Variants in PMP22 observed in about 807,000 individuals in gnomAD.
PMP22 encodes the protein peripheral myelin protein 22, also known as Charcot-Marie-Tooth neuropathy 1A (greatly reduced nerve conduction velocity, hereditary motor sensory neuropathy Ia).
PMP22 carries 2 observed loss-of-function variants against 18.9 expected under a neutral mutation model. The observed-to-expected ratio is 0.11, with a 90% CI of 0.04 to 0.33. The LOEUF is 0.33. PMP22 is among the 10% of genes least tolerant of loss of function. The probability of loss-of-function intolerance (pLI) is 1.00; values close to 1 mark genes in which losing one functional copy is unlikely to be tolerated. For synonymous variants in PMP22, 95 were observed against 89.2 expected (o/e 1.07, Z -0.37); for missense variants, 169 against 202.2 (o/e 0.84, Z 1.00).
chr17:15,254,696 G>A (rs1446928815), intron 3 of PMP22, among the ~76,000 whole-genome samples: 1 of 152,248 alleles, frequency 6.6e-6, no homozygotes, highest in Non-Finnish European at 1.5e-5. Flanking sequence ...GGTGGCTCAC[G>A]CTTGTAATCT....
At chr17:15,245,298 A>T (rs1907706380) in intron 3 of PMP22, among the ~76,000 whole-genome samples, 1 of 152,240 alleles carries the variant, frequency 6.6e-6, no homozygotes, top group South Asian at 2.1e-4. Context: ...GCGCAGTAAG[A>T]GACAGCAGAT....
At chr17:15,256,805 C>A (rs781564348) in intron 3 of PMP22, among the ~76,000 whole-genome samples, 11 of 152,110 alleles carry the variant, frequency 7.2e-5, no homozygotes, top group Admixed American at 3.3e-4. Context: ...AGCTTATTGT[C>A]TGCAGCCACA....
chr17:15,250,690 C>T (rs1908260308), intron 3 of PMP22, among the ~76,000 whole-genome samples: 1 of 152,216 alleles, frequency 6.6e-6, no homozygotes, highest in African/African-American at 2.4e-5. Flanking sequence ...TCAGCAAACC[C>T]TGTCATGAGA....
Position 15,229,924 on chromosome 17 carries a change from C to CAT in PMP22, c.*991_*992dup, listed in dbSNP as rs1906163909. The CAT allele has an allele frequency of 6.6e-6, 1 of 152,636 alleles. No homozygotes were observed. The allele number at this position is 152,636 out of a possible 1,614,324, so 9.5% of individuals were successfully genotyped here. A position where few individuals can be genotyped will look rare whatever the true frequency, so the allele number is the denominator to read the frequency against. ...TCTACAGTTGGTGGCCAATACAAGT[C>CAT]ATTGCCAGACAGTCCTTGGAGGCAC... On this transcript the variant is annotated 3_prime_UTR_variant, in exon 5 of 5. Transcript: ENST00000312280.
At chr17:15,242,251 C>CAAAAAAA (rs59075019) in intron 3 of PMP22, among the ~76,000 whole-genome samples, 2 of 54,782 alleles carry the variant, frequency 3.7e-5, no homozygotes, top group Non-Finnish European at 7.1e-5. Context: ...GACTCTGTCT[C>CAAAAAAA]AAAAAAAAAA....
chr17:15,236,497 A>C (rs1037580834), intron 4 of PMP22, among the ~76,000 whole-genome samples: 1 of 152,118 alleles, frequency 6.6e-6, no homozygotes, highest in African/African-American at 2.4e-5. Context: ...GCTCCAGTGC[A>C]TTGGAGAGGC....
Position 15,230,840 on chromosome 17 carries a change from T to C in PMP22, c.*77A>G, listed in dbSNP as rs1325857230. On this transcript the variant is annotated 3_prime_UTR_variant, in exon 5 of 5. Transcript: ENST00000312280. ...TTTGGGATTTTGGGCTAGCTCTTTT[T>C]TCTTTGTCTGCTTTCTGTTTTCCCT... is the stretch of plus-strand genomic sequence containing the variant. The C allele has an allele frequency of 6.5e-7, 1 of 1,545,100 alleles. No individual in the cohort carries two copies. Among genetic ancestry groups the C allele is most frequent in the Non-Finnish European group, 8.9e-7 (1 of 1,122,280 alleles).
At chr17:15,238,348 C>G (rs1906985408) in intron 4 of PMP22, among the ~76,000 whole-genome samples, 1 of 152,236 alleles carries the variant, frequency 6.6e-6, no homozygotes, top group Non-Finnish European at 1.5e-5. Context: ...TCTTCCCATA[C>G]AACCCTATTT....
chr17:15,230,909 T>A lies in PMP22; in HGVS notation c.*8A>T, dbSNP rs199650994. 4.5e-5 allele frequency: 73 copies of A among 1,613,798 alleles called. No homozygotes were observed. The highest frequency in any genetic ancestry group is 4.4e-4 in the African/African-American group (33 of 75,056). On this transcript the variant is annotated 3_prime_UTR_variant, in exon 5 of 5. Coordinates refer to ENST00000312280, the MANE Select transcript of PMP22 (RefSeq NM_000304.4). ...CGCTCAGAGCCTCAGACAGACCGTC[T>A]GGGCGCCTCATTCGCGTTTCCGCAA...
intron 3 of PMP22, among the ~76,000 whole-genome samples, chr17:15,240,345 A>G (rs762282593): frequency 4.6e-5 from 7 of 152,116 alleles, no homozygotes; most frequent in Non-Finnish European, 7.3e-5. Flanking sequence ...GGAAGAAAAT[A>G]CTGATGAAGA....
intron 1 of PMP22, among the ~76,000 whole-genome samples, chr17:15,264,210 ATAGGTAGGTAGG>A (rs148785223): frequency 6.7e-6 from 1 of 150,068 alleles, no homozygotes; most frequent in African/African-American, 2.5e-5. Context: ...TGTAACTCTG[ATAGGTAGGTAGG>A]TAGGTAGGTA....
At chr17:15,246,244 T>A (rs1345231686) in intron 3 of PMP22, among the ~76,000 whole-genome samples, 1 of 152,214 alleles carries the variant, frequency 6.6e-6, no homozygotes, top group African/African-American at 2.4e-5. Context: ...TTGCAGGTCA[T>A]ACGGTCTTCT....
chr17:15,238,155 G>T (rs1360825486), intron 4 of PMP22, among the ~76,000 whole-genome samples: 1 of 152,096 alleles, frequency 6.6e-6, no homozygotes, highest in Non-Finnish European at 1.5e-5. Context: ...AGCTTGGCTT[G>T]GTGTCATAAG....
At chr17:15,237,463 A>G (rs1211273187) in intron 4 of PMP22, among the ~76,000 whole-genome samples, 1 of 152,216 alleles carries the variant, frequency 6.6e-6, no homozygotes, top group Non-Finnish European at 1.5e-5. Flanking sequence ...ACTGGGTCTT[A>G]TAGTACAGGC....
At chr17:15,236,454 T>C (rs1479892530) in intron 4 of PMP22, among the ~76,000 whole-genome samples, 1 of 152,064 alleles carries the variant, frequency 6.6e-6, no homozygotes, top group Non-Finnish European at 1.5e-5. Flanking sequence ...TTCCGGAGAC[T>C]ACACAGAGAT....
In PMP22 at chr17:15,265,304, C is replaced by G. The variant is rs1195533468; in HGVS notation, c.-185G>C. On this transcript the variant is annotated 5_prime_UTR_variant, in exon 1 of 5. Coordinates refer to ENST00000312280, the MANE Select transcript of PMP22 (RefSeq NM_000304.4). ...TTCCAACCAGGCTCCCCGAGATGTT[C>G]CCTGGTGGTGCTCCCTGTAACTGAA... is the stretch of plus-strand genomic sequence containing the variant. 6.6e-6 allele frequency: 1 copy of G among 152,214 alleles called. No individual in the cohort carries two copies. The highest frequency in any genetic ancestry group is 1.5e-5 in the Non-Finnish European group (1 of 68,068). 9.4% of individuals were successfully genotyped at this position (152,214 alleles called of 1,614,324 possible).
chr17:15,242,916 TA>T (rs1907473085), intron 3 of PMP22, among the ~76,000 whole-genome samples: 1 of 152,066 alleles, frequency 6.6e-6, no homozygotes. Flanking sequence ...TTTGGAAATT[TA>T]AAAACAGTGT....
At chr17:15,236,134 A>G (rs1030452639) in intron 4 of PMP22, among the ~76,000 whole-genome samples, 2 of 152,056 alleles carry the variant, frequency 1.3e-5, no homozygotes, top group Middle Eastern at 3.4e-3. Flanking sequence ...ACTGAACTAA[A>G]GGAAGGAGCC....
chr17:15,257,968 G>C (rs113217648), intron 3 of PMP22, among the ~76,000 whole-genome samples: 1 of 152,144 alleles, frequency 6.6e-6, no homozygotes, highest in African/African-American at 2.4e-5. Flanking sequence ...GGTATTACTG[G>C]GTACTGAGCT....
Sources: allele counts gnomAD v4.1 joint callset (sites outside exome capture counted in the v4.1 genomes callset), GRCh38; gene constraint gnomAD v4.1.1; transcripts MANE v1.5; gene names NCBI Gene and HGNC (gene_info 2026-07-23, HGNC 2026-07-21).